Variants in PDE4B observed in about 807,000 individuals in gnomAD.
PDE4B encodes the protein 3',5'-cyclic-AMP phosphodiesterase 4B.
PDE4B carries 20 observed loss-of-function variants against 82.2 expected under a neutral mutation model. That is an observed-to-expected ratio of 0.24 (90% CI 0.17 to 0.35). PDE4B has a LOEUF of 0.35. PDE4B is among the 10% of genes least tolerant of loss of function. The pLI is 1.00. For synonymous variants in PDE4B, 320 were observed against 318.9 expected (o/e 1.00, Z -0.04); for missense variants, 655 against 907.2 (o/e 0.72, Z 3.57).
intron 3 of PDE4B, among the ~76,000 whole-genome samples, chr1:66,157,948 T>C (rs1222836956): frequency 6.6e-6 from 1 of 152,200 alleles, no homozygotes; most frequent in African/African-American, 2.4e-5. Flanking sequence ...GAGAACATGA[T>C]TTCAGATTCT....
chr1:65,865,421 G>A (rs1040401857), intron 1 of PDE4B, among the ~76,000 whole-genome samples: 1 of 152,058 alleles, frequency 6.6e-6, no homozygotes, highest in African/African-American at 2.4e-5. Context: ...GGTGCCTCTG[G>A]GGGGTGGCGG....
chr1:65,797,155 CA>C (rs1396453018), intron 1 of PDE4B, among the ~76,000 whole-genome samples: 3 of 151,786 alleles, frequency 2.0e-5, no homozygotes, highest in Non-Finnish European at 4.4e-5. Flanking sequence ...GGGGTTTCAC[CA>C]TGTTAGCCAG....
chr1:65,929,941 C>G (rs1386317392), intron 3 of PDE4B, among the ~76,000 whole-genome samples: 1 of 152,200 alleles, frequency 6.6e-6, no homozygotes, highest in African/African-American at 2.4e-5. Context: ...GAACTCCATT[C>G]TTAAAATACT....
At chr1:65,996,349 CT>C (rs35581267) in intron 3 of PDE4B, among the ~76,000 whole-genome samples, 2 of 151,274 alleles carry the variant, frequency 1.3e-5, no homozygotes, top group Non-Finnish European at 2.9e-5. Context: ...TATATATAAT[CT>C]TTTTTCCCCT....
intron 3 of PDE4B, among the ~76,000 whole-genome samples, chr1:66,098,216 TC>T (rs1645154722): frequency 1.3e-5 from 2 of 152,140 alleles, no homozygotes; most frequent in South Asian, 4.1e-4. Context: ...TTCTCAGAGC[TC>T]TATCTCAGTG....
Position 65,821,259 on chromosome 1 carries a change from T to C in PDE4B, c.-71+28011T>C, listed in dbSNP as rs181156915. On this transcript the variant is annotated intron_variant, in intron 1 of 16. Coordinates refer to ENST00000341517, the MANE Select transcript of PDE4B (RefSeq NM_002600.4). ...CAGTCTTTTTTATTCTTGCTTAAGG[T>C]TGCAGGAGAGTAATTGCCATAGCAA... 1.1e-4 allele frequency among the ~76,000 whole-genome samples: 16 copies of C among 152,342 alleles called. No homozygotes were observed. In the East Asian group the frequency reaches 3.1e-3, roughly 29 times the overall value.
chr1:65,958,408 A>G (rs2100589673), intron 3 of PDE4B, among the ~76,000 whole-genome samples: 1 of 152,182 alleles, frequency 6.6e-6, no homozygotes, highest in East Asian at 1.9e-4. Flanking sequence ...ATCTAGTTTC[A>G]TAAGTGAAGT....
chr1:65,819,439 A>G (rs115583086), intron 1 of PDE4B, among the ~76,000 whole-genome samples: 1 of 151,948 alleles, frequency 6.6e-6, no homozygotes, highest in African/African-American at 2.4e-5. Flanking sequence ...TGCTATTTAT[A>G]TAACTTGGTC....
intron 3 of PDE4B, among the ~76,000 whole-genome samples, chr1:66,053,333 A>AT (rs1182416144): frequency 6.6e-6 from 1 of 152,182 alleles, no homozygotes; most frequent in Non-Finnish European, 1.5e-5. Flanking sequence ...TATCTTCTCC[A>AT]TTTTCCAATA....
chr1:65,880,359 A>C (rs1264317011), intron 1 of PDE4B, among the ~76,000 whole-genome samples: 1 of 152,074 alleles, frequency 6.6e-6, no homozygotes, highest in East Asian at 1.9e-4. Flanking sequence ...CATGCTGCTC[A>C]CTCCTTCAGA....
intron 3 of PDE4B, among the ~76,000 whole-genome samples, chr1:66,129,569 A>G (rs909278813): frequency 1.2e-3 from 183 of 149,564 alleles, no homozygotes; most frequent in Non-Finnish European, 2.2e-3. Flanking sequence ...CTGAGGCAGG[A>G]GAATGGCGTG....
intron 3 of PDE4B, among the ~76,000 whole-genome samples, chr1:66,151,821 T>C (rs1201737753): frequency 6.6e-6 from 1 of 152,206 alleles, no homozygotes; most frequent in Non-Finnish European, 1.5e-5. Context: ...AGACACTCAA[T>C]AAATAATTGT....
At chr1:66,332,232 C>T (rs564075659) in intron 7 of PDE4B, 61 of 1,445,906 alleles carry the variant, frequency 4.2e-5, no homozygotes, top group South Asian at 3.1e-4. Context: ...CCGTTCCCTC[C>T]GCCTTCTTCC....
chr1:66,122,635 A>G (rs539890078), intron 3 of PDE4B, among the ~76,000 whole-genome samples: 7 of 151,574 alleles, frequency 4.6e-5, no homozygotes, highest in South Asian at 2.1e-4. Context: ...GAGGAACATG[A>G]CATATTTTAT....
At chr1:65,810,141 A>T (rs1245141071) in intron 1 of PDE4B, among the ~76,000 whole-genome samples, 1 of 152,260 alleles carries the variant, frequency 6.6e-6, no homozygotes, top group Non-Finnish European at 1.5e-5. Context: ...ATGCAGAAAC[A>T]GGGCTTCTCC....
At chr1:66,126,536 A>C (rs1329226521) in intron 3 of PDE4B, among the ~76,000 whole-genome samples, 2 of 152,238 alleles carry the variant, frequency 1.3e-5, no homozygotes, top group Non-Finnish European at 2.9e-5. Context: ...TAGAACAAAA[A>C]GTAAAATGAT....
intron 3 of PDE4B, among the ~76,000 whole-genome samples, chr1:65,932,208 G>A (rs892623066): frequency 2.0e-5 from 3 of 151,556 alleles, no homozygotes; most frequent in African/African-American, 7.3e-5. Flanking sequence ...ACTAGATGAT[G>A]CAGTCCCACC....
At chr1:65,984,311 A>G (rs557401066) in intron 3 of PDE4B, among the ~76,000 whole-genome samples, 8 of 152,332 alleles carry the variant, frequency 5.3e-5, no homozygotes, top group African/African-American at 1.9e-4. Context: ...ACAGATTGCC[A>G]GGGATTAGTG....
At chr1:65,804,518 T>C (rs1420480653) in intron 1 of PDE4B, among the ~76,000 whole-genome samples, 1 of 152,170 alleles carries the variant, frequency 6.6e-6, no homozygotes, top group Non-Finnish European at 1.5e-5. Flanking sequence ...CAGGCAAGTG[T>C]TTTGGACAGG....
Sources: allele counts gnomAD v4.1 joint callset (sites outside exome capture counted in the v4.1 genomes callset), GRCh38; gene constraint gnomAD v4.1.1; transcripts MANE v1.5; gene names NCBI Gene and HGNC (gene_info 2026-07-23, HGNC 2026-07-21).